Variants in TRAK1 observed in about 807,000 individuals in gnomAD.
The protein encoded by TRAK1 is trafficking kinesin-binding protein 1.
Under a neutral mutation model 92.1 loss-of-function variants are expected in TRAK1, and 33 were observed. The ratio of observed to expected loss-of-function variants is 0.36; its 90% confidence interval spans 0.27 to 0.48. The LOEUF (loss-of-function observed/expected upper bound fraction) is 0.48, where lower values mean the gene tolerates loss of function less well. TRAK1 is among the 20% of genes least tolerant of loss of function. The pLI, the probability that TRAK1 is intolerant of heterozygous loss-of-function variation, is 0.99. For missense variants in TRAK1, 1,123 were observed against 1,257.9 expected (o/e 0.89, Z 1.62); for synonymous variants, 521 against 517.3 (o/e 1.01, Z -0.10).
chr3:42,048,566 CTTT>C (rs373744402), intron 1 of TRAK1, among the ~76,000 whole-genome samples: 8 of 136,524 alleles, frequency 5.9e-5, no homozygotes, highest in Admixed American at 7.4e-5. Flanking sequence ...CAGTTCTTTT[CTTT>C]TTTTTTTTTT....
chr3:42,052,047 C>T (rs952528168), intron 1 of TRAK1, among the ~76,000 whole-genome samples: 5 of 152,174 alleles, frequency 3.3e-5, no homozygotes, highest in Admixed American at 3.3e-4. Context: ...AATCTGCAGA[C>T]TCCATCAGAA....
At chr3:42,129,310 T>C (rs534235312) in intron 2 of TRAK1, among the ~76,000 whole-genome samples, 1 of 152,110 alleles carries the variant, frequency 6.6e-6, no homozygotes, top group Non-Finnish European at 1.5e-5. Flanking sequence ...TGGGCGGGCA[T>C]GGGGATAAGG....
In TRAK1 at chr3:42,125,527, G is replaced by T; in HGVS notation, c.199G>T (p.Asp67Tyr). 6.2e-7 allele frequency: 1 copy of T among 1,614,220 alleles called. No individual in the cohort carries two copies. Among genetic ancestry groups the T allele is most frequent in the Non-Finnish European group, 8.5e-7 (1 of 1,180,036 alleles). ...RADTIYGYDHDDWLHTPLISP... is the reference protein window; with the variant it reads ...RADTIYGYDHYDWLHTPLISP... ...CGACACCATCTACGGTTATGACCAC[G>T]ACGACTGGCTCCATACACCTCTCAT... The change falls in exon 2 of 16, where the codon GAC (aspartate) becomes TAC (tyrosine). Residue 67 changes from aspartate (D) to tyrosine (Y), a missense_variant. By Grantham distance (160) the Asp-to-Tyr change is radical (BLOSUM62 -3). Coordinates refer to ENST00000327628, the MANE Select transcript of TRAK1 (RefSeq NM_001042646.3).
intron 1 of TRAK1, among the ~76,000 whole-genome samples, chr3:42,098,512 C>A (rs1706269699): frequency 6.6e-6 from 1 of 152,130 alleles, no homozygotes; most frequent in African/African-American, 2.4e-5. Flanking sequence ...TAACGTGAAG[C>A]AGGAAGGCTG....
chr3:42,121,098 G>C (rs1709786908), intron 1 of TRAK1, among the ~76,000 whole-genome samples: 1 of 152,144 alleles, frequency 6.6e-6, no homozygotes, highest in Non-Finnish European at 1.5e-5. Flanking sequence ...CTGCTGCTTA[G>C]TTAGCTGAAT....
chr3:42,160,562 TGTTTTTG>T lies in TRAK1; in HGVS notation c.287-16251_287-16245del, dbSNP rs796248612. The T allele has an allele frequency of 4.1e-4, 537 of 1,312,566 alleles. 7 individuals are homozygous for T. Among genetic ancestry groups the T allele is most frequent in the Middle Eastern group, 1.8e-3 (9 of 5,116 alleles). The allele number at this position is 1,312,566 out of a possible 1,614,324, so 81.3% of individuals were successfully genotyped here. On this transcript the variant is annotated intron_variant, in intron 2 of 15. Coordinates refer to ENST00000327628, the MANE Select transcript of TRAK1 (RefSeq NM_001042646.3). ...TTTTGCTGATTTCATAGCACTGTTT[TGTTTTTG>T]TTTTTTTTTAAGTTGAGGTATAAGT... is the stretch of plus-strand genomic sequence containing the variant.
intron 1 of TRAK1, among the ~76,000 whole-genome samples, chr3:42,107,314 G>A (rs1707704105): frequency 6.6e-6 from 1 of 152,124 alleles, no homozygotes; most frequent in South Asian, 2.1e-4. Context: ...AGGAGATTGA[G>A]ATCATCGTGG....
chr3:42,045,349 A>G (rs1160233107), intron 1 of TRAK1, among the ~76,000 whole-genome samples: 1 of 152,170 alleles, frequency 6.6e-6, no homozygotes, highest in Non-Finnish European at 1.5e-5. Context: ...AGCCTGGCCA[A>G]CATGACGAAA....
chr3:42,102,736 A>G (rs1249602265), intron 1 of TRAK1, among the ~76,000 whole-genome samples: 1 of 151,972 alleles, frequency 6.6e-6, no homozygotes, highest in Non-Finnish European at 1.5e-5. Flanking sequence ...TTCCACATTG[A>G]TTTATTTCCC....
chr3:42,215,279 A>G (rs1304916318), intron 14 of TRAK1, among the ~76,000 whole-genome samples: 3 of 152,192 alleles, frequency 2.0e-5, no homozygotes, highest in Non-Finnish European at 4.4e-5. Flanking sequence ...ACTGTTTCTC[A>G]TGCAGCTGAC....
chr3:42,181,950 A>G (rs957231990), intron 3 of TRAK1, among the ~76,000 whole-genome samples: 3 of 148,512 alleles, frequency 2.0e-5, no homozygotes, highest in African/African-American at 7.4e-5. Context: ...CCATGAAATA[A>G]GGTACCTTTT....
chr3:42,163,558 A>C (rs376952303), intron 2 of TRAK1, among the ~76,000 whole-genome samples: 1 of 146,490 alleles, frequency 6.8e-6, no homozygotes, highest in African/African-American at 2.6e-5. Flanking sequence ...GCAGAGCGAG[A>C]CTCCATCTCA....
chr3:42,184,065 T>C (rs986706779), intron 3 of TRAK1, among the ~76,000 whole-genome samples: 3 of 152,190 alleles, frequency 2.0e-5, no homozygotes, highest in African/African-American at 7.2e-5. Flanking sequence ...GTTGTTTTTT[T>C]CTTAAATGAA....
intron 10 of TRAK1, among the ~76,000 whole-genome samples, chr3:42,195,579 C>T (rs1179767618): frequency 2.0e-5 from 3 of 151,812 alleles, no homozygotes; most frequent in Admixed American, 1.3e-4. Context: ...CATTGCTGAC[C>T]CCCAGCAGAT....
Position 42,223,330 on chromosome 3 carries a change from C to A in TRAK1, c.2455C>A (p.Leu819Met). 6.2e-7 allele frequency: 1 copy of A among 1,614,230 alleles called. No individual in the cohort carries two copies. Among genetic ancestry groups the A allele is most frequent in the Non-Finnish European group, 8.5e-7 (1 of 1,180,040 alleles). The change falls in exon 16 of 16, where the codon CTG (leucine) becomes ATG (methionine). Residue 819 changes from leucine (L) to methionine (M), a missense_variant. Around this residue, in one of 3 missense-constraint regions of TRAK1, gnomAD observed 401 missense variants for 438.9 expected, o/e 0.91. Transcript: ENST00000327628. The surrounding 1 kb of genome is among the most constrained non-coding windows in gnomAD (Gnocchi z 6.1). ...FLASKPASSI[L>M]REVREKNVRS... ...GGCTTCCAAGCCAGCCAGCTCCATC[C>A]TGAGGGAAGTGAGAGAAAAGAACGT...
intron 1 of TRAK1, among the ~76,000 whole-genome samples, chr3:42,068,483 A>G (rs1428397540): frequency 6.6e-6 from 1 of 152,186 alleles, no homozygotes; most frequent in Non-Finnish European, 1.5e-5. Flanking sequence ...TAGTTAAGAG[A>G]AAAGAGTTGG....
intron 1 of TRAK1, among the ~76,000 whole-genome samples, chr3:42,058,665 A>G (rs1703298048): frequency 6.6e-6 from 1 of 152,122 alleles, no homozygotes; most frequent in Non-Finnish European, 1.5e-5. Context: ...TTTAAAGTCA[A>G]CCTGTCCTAC....
chr3:42,164,366 A>T (rs556060266), intron 2 of TRAK1, among the ~76,000 whole-genome samples: 10 of 152,244 alleles, frequency 6.6e-5, no homozygotes, highest in Non-Finnish European at 1.5e-4. Context: ...TCTCCAGGTC[A>T]CCTTATGGGA....
chr3:42,042,370 TTTA>T (rs752597522), intron 1 of TRAK1, among the ~76,000 whole-genome samples: 28 of 152,174 alleles, frequency 1.8e-4, no homozygotes, highest in Non-Finnish European at 2.6e-4. Flanking sequence ...TTATTATTAT[TTTA>T]TTATTATTAT....
Sources: gnomAD v4.1 joint callset for allele counts (sites outside exome capture counted in the v4.1 genomes callset) on GRCh38, gnomAD v4.1.1 for gene constraint, gnomAD v4.1.1 regional missense constraint, Gnocchi (gnomAD v3.1) non-coding constraint, MANE v1.5 for transcripts, NCBI Gene and HGNC (gene_info 2026-07-23, HGNC 2026-07-21) for gene names.